Variants in PPARD observed in about 807,000 individuals in gnomAD.
PPARD encodes peroxisome proliferator activated receptor delta, also known as peroxisome proliferator-activated receptor delta.
PPARD carries 6 observed loss-of-function variants against 39.5 expected under a neutral mutation model. The ratio of observed to expected loss-of-function variants is 0.15; its 90% CI spans 0.08 to 0.30. The LOEUF is 0.30. Ranked by LOEUF, PPARD falls within the 10% of genes least tolerant of loss-of-function variation. PPARD has a pLI of 1.00. For missense variants in PPARD, 397 were observed against 596.8 expected, an observed-to-expected ratio of 0.67 and a Z score of 3.49; for synonymous variants, 210 against 231.3, an observed-to-expected ratio of 0.91 and a Z score of 0.83.
At chr6:35,344,559 A>G (rs1159498665) in intron 1 of PPARD, among the ~76,000 whole-genome samples, 1 of 152,042 alleles carries the variant, frequency 6.6e-6, no homozygotes, top group Non-Finnish European at 1.5e-5. Context: ...GAAATAACAT[A>G]TCCTTTGTTT....
At chr6:35,358,457 G>T (rs930733908) in intron 2 of PPARD, among the ~76,000 whole-genome samples, 17 of 152,216 alleles carry the variant, frequency 1.1e-4, no homozygotes, top group Non-Finnish European at 2.2e-4. Flanking sequence ...GTGGTAATTT[G>T]TTACAGTGCA....
intron 2 of PPARD, among the ~76,000 whole-genome samples, chr6:35,374,400 G>C (rs551366113): frequency 2.6e-4 from 39 of 152,052 alleles, no homozygotes; most frequent in African/African-American, 9.2e-4. Flanking sequence ...GCTCATGCCT[G>C]TAATCCCAGC....
In PPARD at chr6:35,425,041, G is replaced by T; in HGVS notation, c.1078+262G>T. The T allele has an allele frequency of 7.8e-7, 1 of 1,282,422 alleles. No individual in the cohort carries two copies. The highest frequency in any genetic ancestry group is 9.9e-7 in the Non-Finnish European group (1 of 1,006,414). The allele number at this position is 1,282,422 out of a possible 1,614,324, so 79.4% of individuals were successfully genotyped here. A position where few individuals can be genotyped will look rare whatever the true frequency, so the allele number is the denominator to read the frequency against. ...TAATCCCAGCACTTTGGCAGGCCGAGGCGGGTGGATCACTTGAGGTCAGGA... is the reference window on the plus strand; with the variant it reads ...TAATCCCAGCACTTTGGCAGGCCGATGCGGGTGGATCACTTGAGGTCAGGA... On this transcript the variant is annotated intron_variant, in intron 7 of 7. Transcript: ENST00000360694. The surrounding 1 kb of genome is among the most constrained non-coding windows in gnomAD (Gnocchi z 4.5).
At chr6:35,394,049 C>T (rs541910209) in intron 2 of PPARD, among the ~76,000 whole-genome samples, 6 of 152,324 alleles carry the variant, frequency 3.9e-5, no homozygotes, top group South Asian at 4.1e-4. Flanking sequence ...TGTTGATGCT[C>T]GTTTTAAAAA....
At chr6:35,388,749 A>G (rs1186970661) in intron 2 of PPARD, among the ~76,000 whole-genome samples, 1 of 151,966 alleles carries the variant, frequency 6.6e-6, no homozygotes, top group Non-Finnish European at 1.5e-5. Context: ...GACAAAGGAA[A>G]AGGGGAGGCG....
intron 2 of PPARD, chr6:35,397,656 A>G (rs1764427231): frequency 4.6e-6 from 3 of 656,708 alleles, no homozygotes; most frequent in Non-Finnish European, 5.7e-6. Context: ...CTTGAGGGTT[A>G]TGTGAATCTA....
At chr6:35,416,673 C>CG (rs1765794317) in intron 3 of PPARD, among the ~76,000 whole-genome samples, 3 of 152,126 alleles carry the variant, frequency 2.0e-5, no homozygotes, top group Admixed American at 2.0e-4. Flanking sequence ...CATCATGATG[C>CG]GGGGGAAGTG....
intron 2 of PPARD, among the ~76,000 whole-genome samples, chr6:35,364,888 TTTAGTAGAGACGGGGTTTCAC>T (rs1208828427): frequency 1.8e-4 from 27 of 151,212 alleles, no homozygotes; most frequent in African/African-American, 6.1e-4. Flanking sequence ...TTTTTGTATT[TTTAGTAGAGACGGGGTTTCAC>T]TGTGTTAGCC....
In PPARD at chr6:35,370,947, G is replaced by A. The variant is rs781370554; in HGVS notation, c.-102+23797G>A. 3.8e-4 allele frequency among the ~76,000 whole-genome samples: 58 copies of A among 152,206 alleles called. 1 individual carries two copies. Among genetic ancestry groups the A allele is most frequent in the African/African-American group, 1.1e-3 (47 of 41,542 alleles). ...GGCTGCTCATTCTTTTCTTCTTCTC[G>A]TGGTTTTCCCATCACATTTCCCTTG... On this transcript the variant is annotated intron_variant, in intron 2 of 7. Coordinates refer to ENST00000360694, the MANE Select transcript of PPARD (RefSeq NM_006238.5).
intron 2 of PPARD, among the ~76,000 whole-genome samples, chr6:35,369,442 G>A (rs1251814559): frequency 1.3e-5 from 2 of 152,096 alleles, no homozygotes; most frequent in African/African-American, 2.4e-5. Context: ...ATCCATTAGC[G>A]TGCATTCCCG....
chr6:35,354,648 A>T (rs1398957533), intron 2 of PPARD, among the ~76,000 whole-genome samples: 1 of 152,152 alleles, frequency 6.6e-6, no homozygotes, highest in Non-Finnish European at 1.5e-5. Flanking sequence ...ATTCAATTAC[A>T]TGAGATATTC....
chr6:35,377,677 C>T (rs751178043), intron 2 of PPARD, among the ~76,000 whole-genome samples: 36 of 152,090 alleles, frequency 2.4e-4, no homozygotes, highest in African/African-American at 7.0e-4. Flanking sequence ...CTGTTGGCTG[C>T]CTCTGTGGTT....
chr6:35,386,937 T>A (rs746281688), intron 2 of PPARD, among the ~76,000 whole-genome samples: 4 of 151,160 alleles, frequency 2.6e-5, no homozygotes, highest in Non-Finnish European at 4.4e-5. Context: ...TTAGATTGCA[T>A]CTCCTAACCT....
chr6:35,365,632 A>G (rs563882080), intron 2 of PPARD, among the ~76,000 whole-genome samples: 3 of 151,438 alleles, frequency 2.0e-5, no homozygotes, highest in African/African-American at 7.3e-5. Flanking sequence ...CTGGGATTAC[A>G]GGCATGTGCC....
intron 2 of PPARD, among the ~76,000 whole-genome samples, chr6:35,382,090 T>G (rs928821004): frequency 2.4e-4 from 37 of 152,280 alleles, no homozygotes; most frequent in African/African-American, 8.4e-4. Context: ...GTTGTTGGGG[T>G]TTGTTTTTGC....
At chr6:35,365,130 CTTTTTTTTTTTTT>C (rs551946022) in intron 2 of PPARD, among the ~76,000 whole-genome samples, 15 of 121,088 alleles carry the variant, frequency 1.2e-4, no homozygotes, top group Non-Finnish European at 2.0e-4. Context: ...CTTCCTTATT[CTTTTTTTTTTTTT>C]TTTTTTTGAG....
At chr6:35,365,391 C>T (rs1388322981) in intron 2 of PPARD, among the ~76,000 whole-genome samples, 7 of 151,100 alleles carry the variant, frequency 4.6e-5, no homozygotes, top group South Asian at 2.1e-4. Flanking sequence ...CCGCCCGCCT[C>T]GGCCTCCCAA....
intron 1 of PPARD, among the ~76,000 whole-genome samples, chr6:35,345,573 G>A (rs1343173606): frequency 6.6e-6 from 1 of 152,214 alleles, no homozygotes; most frequent in Non-Finnish European, 1.5e-5. Context: ...TCGTTCAGGT[G>A]CCTTTCTCCT....
chr6:35,399,709 A>G (rs1328281669), intron 2 of PPARD, among the ~76,000 whole-genome samples: 1 of 152,188 alleles, frequency 6.6e-6, no homozygotes, highest in East Asian at 1.9e-4. Flanking sequence ...CTCTGTCTCA[A>G]AAAAATCACC....
Sources: gnomAD v4.1 joint callset for allele counts (sites outside exome capture counted in the v4.1 genomes callset) on GRCh38, gnomAD v4.1.1 for gene constraint, Gnocchi (gnomAD v3.1) non-coding constraint, MANE v1.5 for transcripts, NCBI Gene and HGNC (gene_info 2026-07-23, HGNC 2026-07-21) for gene names.